The following STXBP2 variants were observed in gnomAD, a reference collection of about 807,000 sequenced individuals.
STXBP2 encodes syntaxin binding protein 2.
STXBP2 carries 47 observed loss-of-function variants against 72.2 expected under a neutral mutation model. The observed-to-expected ratio is 0.65, with a 90% confidence interval of 0.51 to 0.83. The LOEUF (loss-of-function observed/expected upper bound fraction) is 0.83, where lower values mean the gene tolerates loss of function less well. Among genes scored for constraint, STXBP2 ranks in the 40% least tolerant of loss-of-function variants. The pLI, the probability that STXBP2 is intolerant of heterozygous loss-of-function variation, is 0.00. For synonymous variants in STXBP2, 367 were observed against 338.7 expected (o/e 1.08, Z -0.92); for missense variants, 702 against 807.6 (o/e 0.87, Z 1.58).
chr19:7,636,589 A>C (rs551157518), upstream of STXBP2: 1 of 149,460 alleles, frequency 6.7e-6, no homozygotes, highest in African/African-American at 2.6e-5. Flanking sequence ...CCTCGTCGGC[A>C]CCGCAGTCCA....
At chr19:7,629,975 T>C in the STXBP2 span, 1 of 1,283,016 alleles carries the variant, frequency 7.8e-7, no homozygotes, top group South Asian at 1.6e-5. Flanking sequence ...GAGAAAGCTC[T>C]TAAGATTTGA....
rs372370815 is a variant in STXBP2 at position 7,639,801 on chromosome 19, G to A, written c.240G>A (p.Thr80=). 91 of 1,613,918 alleles carry A rather than the reference G, an allele frequency of 5.6e-5. No individual in the cohort carries two copies. The East Asian group carries it at 6.7e-4, about 12-fold the overall frequency. ...AGGCCATTTATTTGCTGAGCCCCAC[G>A]GAGAAGGTGCCTACATGAGTGAGCG... The part of the protein sequence containing the change: ...SLEAIYLLSP[T]EKSVQALIKD... Residue 80 remains threonine (T), a synonymous_variant, in exon 4 of 19, where the codon ACG becomes ACA. Transcript: ENST00000221283.
intron 4 of STXBP2, chr19:7,640,411 T>G (rs1039148278): frequency 1.7e-6 from 1 of 579,228 alleles, no homozygotes; most frequent in Non-Finnish European, 3.1e-6. Context: ...TATGTGTGTA[T>G]GTATGTGTGC....
rs1189996144 is a variant in STXBP2 at position 7,642,413 on chromosome 19, C to T, written c.795-16C>T. The T allele has an allele frequency of 1.2e-6, 2 of 1,613,742 alleles. No homozygotes were observed. The highest frequency in any genetic ancestry group is 1.3e-5 in the African/African-American group (1 of 74,932). ...CTCAGCTCCCCTGACCCCCAGGCTC[C>T]CTCCTTCCTCCCCAGGTATGAGACC... On this transcript the variant is annotated splice_polypyrimidine_tract_variant and intron_variant, in intron 9 of 18. Coordinates refer to ENST00000221283, the MANE Select transcript of STXBP2 (RefSeq NM_006949.4). This position sits in a 1 kb window ranked among gnomAD's most constrained non-coding sequence, Gnocchi z 6.0.
rs921624651 is a variant in STXBP2, at chr19:7,640,729, A to G, written c.247-2A>G. The G allele has an allele frequency of 1.2e-6, 2 of 1,614,194 alleles. No homozygotes were observed. Among genetic ancestry groups the G allele is most frequent in the Non-Finnish European group, 1.7e-6 (2 of 1,180,012 alleles). On this transcript the variant is annotated splice_acceptor_variant, in intron 4 of 18. Coordinates refer to ENST00000221283, the MANE Select transcript of STXBP2 (RefSeq NM_006949.4). LOFTEE classifies it high-confidence loss of function. ...GCCCAGAGAGTGATCCACCTTCCCC[A>G]GTCGGTTCAGGCCCTGATCAAAGAC...
At chr19:7,632,861 C>G (rs563746051), upstream of STXBP2, 2 of 1,539,722 alleles carry the variant, frequency 1.3e-6, no homozygotes, top group Non-Finnish European at 1.7e-6. This position sits in a 1 kb window ranked among gnomAD's most constrained non-coding sequence, Gnocchi z 5.2. Context: ...TCTGGTTGGC[C>G]CTTCAGCTTG....
At chr19:7,638,539 C>T (rs1247757240) in intron 1 of STXBP2, among the ~76,000 whole-genome samples, 187 bp from the exon 2 acceptor site, 2 of 151,860 alleles carry the variant, frequency 1.3e-5, no homozygotes, top group South Asian at 4.2e-4. Flanking sequence ...GAGTTGGAGG[C>T]CGCAGTGAGT....
intron 16 of STXBP2, chr19:7,646,910 CTG>C (rs2032158459): frequency 1.7e-6 from 1 of 583,446 alleles, no homozygotes; most frequent in Non-Finnish European, 3.1e-6. Flanking sequence ...TGCCGAGGAA[CTG>C]TGGGTTTAGA....
chr19:7,638,280 C>G (rs1409145203), intron 1 of STXBP2, among the ~76,000 whole-genome samples: 2 of 152,160 alleles, frequency 1.3e-5, no homozygotes, highest in African/African-American at 4.8e-5. Context: ...GGGGGTGACC[C>G]CAGAAGCCAA....
upstream of STXBP2, chr19:7,632,414 G>A: frequency 1.9e-6 from 3 of 1,613,986 alleles, no homozygotes; most frequent in Non-Finnish European, 8.5e-7. The surrounding 1 kb of genome is among the most constrained non-coding windows in gnomAD (Gnocchi z 5.2). Flanking sequence ...CGGGCTGGAA[G>A]CCGGGCAGGC....
At chr19:7,632,430 A>C, upstream of STXBP2, 1 of 1,613,668 alleles carries the variant, frequency 6.2e-7, no homozygotes. This position sits in a 1 kb window ranked among gnomAD's most constrained non-coding sequence, Gnocchi z 5.2. Flanking sequence ...CAGGCTGCTG[A>C]CTGTCACACG....
At chr19:7,641,107 G>GT (rs1374608209) in intron 6 of STXBP2, 104 bp downstream of exon 6, 2 of 1,232,034 alleles carry the variant, frequency 1.6e-6, no homozygotes, top group Non-Finnish European at 2.3e-6. Context: ...GCTCATACCT[G>GT]TAATCCCAGC....
chr19:7,642,218 C>A lies in STXBP2; in HGVS notation c.679C>A (p.Arg227Ser), dbSNP rs372973081. The change falls in exon 9 of 19, where the codon CGC (arginine) becomes AGC (serine). Residue 227 changes from arginine to serine, a missense_variant. By Grantham distance (110) the Arg-to-Ser change is moderately radical. Transcript: ENST00000221283. The surrounding 1 kb of genome is among the most constrained non-coding windows in gnomAD (Gnocchi z 6.0). ...CCCACCCCAGGGCCCAGAGAAAACC[C>A]GCTCCCAGCTGCTGATAATGGACCG... ...PSLGEGPEKT[R>S]SQLLIMDRAA... The A allele has an allele frequency of 4.3e-6, 7 of 1,614,156 alleles. No homozygotes were observed. Among genetic ancestry groups the A allele is most frequent in the Non-Finnish European group, 5.9e-6 (7 of 1,180,016 alleles).
At chr19:7,630,464 C>T in the STXBP2 span, 3 of 854,932 alleles carry the variant, frequency 3.5e-6, no homozygotes, top group East Asian at 8.0e-5. Flanking sequence ...TTGGGTCGGC[C>T]GTAACGAGGC....
chr19:7,645,583 G>C (rs2032101465), intron 15 of STXBP2, among the ~76,000 whole-genome samples: 1 of 128,984 alleles, frequency 7.8e-6, no homozygotes, highest in Non-Finnish European at 1.6e-5. Flanking sequence ...TGGTCTGAGT[G>C]CTAGAGGCAG....
chr19:7,645,344 G>A, intron 15 of STXBP2, 38 bp downstream of exon 15: 5 of 1,543,686 alleles, frequency 3.2e-6, no homozygotes, highest in Admixed American at 1.9e-5. Flanking sequence ...CCTGGGAGAG[G>A]GTGCGGATCA....
At position 7,637,185 on chromosome 19, in the gene STXBP2, A is replaced by G. The variant is rs765466426; in HGVS notation, c.36A>G (p.Glu12=). Residue 12 remains glutamate (E), a splice_region_variant and synonymous_variant, in exon 1 of 19, where the codon GAA becomes GAG. Coordinates refer to ENST00000221283, the MANE Select transcript of STXBP2 (RefSeq NM_006949.4). ...CGGGGCTGAAGGCGGTGGTGGGGGA[A>G]AGTGAGTGCCTCTCCGGGGCCGGGC... ...APSGLKAVVG[E]KILSGVIRSV... is the part of the protein sequence containing the mutation. 40 of 1,243,358 alleles carry G rather than the reference A, an allele frequency of 3.2e-5. No individual in the cohort carries two copies. The African/African-American group carries it at 6.1e-4, about 19-fold the overall frequency. The allele number at this position is 1,243,358 out of a possible 1,614,324, so 77.0% of individuals were successfully genotyped here. A position where few individuals can be genotyped will look rare whatever the true frequency, so the allele number is the denominator to read the frequency against.
chr19:7,647,243 G>A lies in STXBP2; in HGVS notation c.1534G>A (p.Val512Ile), dbSNP rs1317227395. 5.6e-6 allele frequency: 9 copies of A among 1,611,050 alleles called. No homozygotes were observed. In the East Asian group the frequency reaches 2.0e-4, roughly 36 times the overall value. ...PAPTASSQAAVSARFGHWHKN... is the reference protein window; with the variant it reads ...PAPTASSQAAISARFGHWHKN... The stretch of plus-strand genomic sequence containing the variant: ...CCCCACGGCCAGCTCCCAGGCCGCT[G>A]TCAGGTGAGGCCCCGGGGCCGCCCC... Residue 512 changes from valine (V) to isoleucine (I), a missense_variant, in exon 17 of 19, where the codon GTC becomes ATC. Val to Ile is a conservative substitution (Grantham distance 29). Coordinates refer to ENST00000221283, the MANE Select transcript of STXBP2 (RefSeq NM_006949.4).
chr19:7,646,228 C>G (rs2032130924), intron 15 of STXBP2, 21 bp from the exon 16 acceptor site: 8 of 1,579,544 alleles, frequency 5.1e-6, no homozygotes, highest in Non-Finnish European at 6.9e-6. Context: ...CCCCCTGCTG[C>G]CCTCCCTGCC....
Sources: allele counts gnomAD v4.1 joint callset (sites outside exome capture counted in the v4.1 genomes callset), GRCh38; gene constraint gnomAD v4.1.1; non-coding constraint Gnocchi (gnomAD v3.1); transcripts MANE v1.5; gene names NCBI Gene and HGNC (gene_info 2026-07-23, HGNC 2026-07-21).